The following MILR1 variants were observed in gnomAD, a reference collection of about 807,000 sequenced individuals.
MILR1 encodes allergin-1.
In MILR1, 31 loss-of-function variants were observed where a neutral mutation model predicts 18.5. That is an observed-to-expected ratio of 1.68 (90% CI 1.26 to 2.26). MILR1 has a LOEUF of 2.26. Ranked by LOEUF, MILR1 falls within the 30% of genes most tolerant of loss-of-function variation. MILR1 has a pLI of 0.00. For synonymous variants in MILR1, 85 were observed against 56.2 expected, an observed-to-expected ratio of 1.51 and a Z score of -2.30; for missense variants, 257 against 157.4, an observed-to-expected ratio of 1.63 and a Z score of -3.38.
chr17:64,473,231 G>T (rs905242616), downstream of MILR1, among the ~76,000 whole-genome samples: 1 of 151,800 alleles, frequency 6.6e-6, no homozygotes, highest in African/African-American at 2.4e-5. Flanking sequence ...GGCACCTGTA[G>T]TCCCAGCTAC....
At chr17:64,491,484 C>A in the MILR1 span, 8 of 1,309,306 alleles carry the variant, frequency 6.1e-6, no homozygotes, top group Non-Finnish European at 7.6e-6. Flanking sequence ...CAGTCCAGCC[C>A]GGGCAAAAGA....
chr17:64,462,281 C>T (rs1260407913), intron 5 of MILR1, among the ~76,000 whole-genome samples: 2 of 151,936 alleles, frequency 1.3e-5, no homozygotes, highest in African/African-American at 4.8e-5. Context: ...CCTCCCACCT[C>T]GGCCTCCCAC....
At chr17:64,490,779 C>T in the MILR1 span, 1 of 1,597,274 alleles carries the variant, frequency 6.3e-7, no homozygotes, top group Non-Finnish European at 8.6e-7. Flanking sequence ...TACATAGGAG[C>T]TCCAGGTAAA....
chr17:64,479,601 T>G, the MILR1 span, among the ~76,000 whole-genome samples: 1 of 152,088 alleles, frequency 6.6e-6, no homozygotes, highest in African/African-American at 2.4e-5. Context: ...ATAACAAGAA[T>G]GGATTATTTA....
chr17:64,491,949 A>C, the MILR1 span, among the ~76,000 whole-genome samples: 11 of 151,968 alleles, frequency 7.2e-5, no homozygotes, highest in East Asian at 9.7e-4. Context: ...CAAAAAAAAA[A>C]CCAAAAACAG....
chr17:64,469,318 C>T (rs1282536879), downstream of MILR1, among the ~76,000 whole-genome samples: 2 of 152,132 alleles, frequency 1.3e-5, no homozygotes, highest in Admixed American at 6.5e-5. Context: ...GCTGTAGAGT[C>T]CTGTGGGATC....
At chr17:64,462,594 ATAAG>A (rs2037456072) in intron 5 of MILR1, among the ~76,000 whole-genome samples, 1 of 152,140 alleles carries the variant, frequency 6.6e-6, no homozygotes, top group African/African-American at 2.4e-5. Context: ...AGGTTGGTGC[ATAAG>A]TAATTGCAAT....
the MILR1 span, chr17:64,497,045 C>T: frequency 6.3e-5 from 91 of 1,435,390 alleles, 1 homozygote; most frequent in African/African-American, 1.2e-3. Flanking sequence ...TTAACAGAAT[C>T]CGGAGAGGCC....
intron 5 of MILR1, among the ~76,000 whole-genome samples, chr17:64,465,028 C>T (rs1312217817): frequency 6.6e-6 from 1 of 152,112 alleles, no homozygotes; most frequent in Non-Finnish European, 1.5e-5. Flanking sequence ...GCGGAGGTTG[C>T]GGTGAGCCGA....
At chr17:64,458,864 G>A (rs1206341242) in intron 4 of MILR1, among the ~76,000 whole-genome samples, 2 of 152,142 alleles carry the variant, frequency 1.3e-5, no homozygotes, top group Non-Finnish European at 2.9e-5. Flanking sequence ...GTGGCCCACA[G>A]TAAGGGTATG....
chr17:64,485,738 A>T, the MILR1 span: 1 of 1,612,802 alleles, frequency 6.2e-7, no homozygotes, highest in South Asian at 1.1e-5. Flanking sequence ...CTTTCTATGA[A>T]GATTTTTCTT....
the MILR1 span, chr17:64,480,408 A>G: frequency 8.3e-7 from 1 of 1,201,506 alleles, no homozygotes; most frequent in Non-Finnish European, 1.2e-6. Flanking sequence ...AAATAGAAAA[A>G]CTTCAAATAT....
At chr17:64,491,718 G>A in the MILR1 span, 4 of 900,888 alleles carry the variant, frequency 4.4e-6, no homozygotes, top group Non-Finnish European at 7.2e-6. Context: ...GGTGCTGGCA[G>A]GGTACATGCT....
downstream of MILR1, among the ~76,000 whole-genome samples, chr17:64,472,810 T>C (rs8068311): frequency 0.28 from 42,163 of 152,062 alleles, 11,262 homozygotes; most frequent in African/African-American, 0.7. Flanking sequence ...CACTGTTAGG[T>C]GAAGCATGAC....
downstream of MILR1, among the ~76,000 whole-genome samples, chr17:64,469,881 G>A (rs1484762015): frequency 1.3e-5 from 2 of 152,100 alleles, no homozygotes; most frequent in African/African-American, 2.4e-5. Context: ...ACTGAGACCC[G>A]ACCCTGGTTA....
At chr17:64,490,915 G>T in the MILR1 span, 1 of 1,613,704 alleles carries the variant, frequency 6.2e-7, no homozygotes, top group Non-Finnish European at 8.5e-7. Context: ...TTTCCTTTCC[G>T]GCCTTCTTCA....
chr17:64,482,823 C>A, the MILR1 span: 2 of 752,180 alleles, frequency 2.7e-6, no homozygotes, highest in South Asian at 1.5e-5. Flanking sequence ...GCAAATATAC[C>A]AAAAAAATCC....
At chr17:64,472,546 G>T (rs1489832301), downstream of MILR1, among the ~76,000 whole-genome samples, 1 of 139,472 alleles carries the variant, frequency 7.2e-6, no homozygotes, top group Non-Finnish European at 1.5e-5. Context: ...TAACATTTCA[G>T]TCATTCATGG....
chr17:64,452,595 A>T lies in MILR1; in HGVS notation c.98-2A>T. On this transcript the variant is annotated splice_acceptor_variant, in intron 2 of 9. Transcript: ENST00000619286. LOFTEE classifies it high-confidence loss of function. ...TTTTTCTTGTGTCATTTTGTTTTTC[A>T]GAATTCCCTTCTCCATGTTTGGACT... 2.4e-6 allele frequency: 1 copy of T among 415,186 alleles called. No homozygotes were observed. Among genetic ancestry groups the T allele is most frequent in the Non-Finnish European group, 4.4e-6 (1 of 227,008 alleles). The allele number at this position is 415,186 out of a possible 1,614,324, so 25.7% of individuals were successfully genotyped here.
Sources: gnomAD v4.1 joint callset for allele counts (sites outside exome capture counted in the v4.1 genomes callset) on GRCh38, gnomAD v4.1.1 for gene constraint, MANE v1.5 for transcripts, NCBI Gene and HGNC (gene_info 2026-07-23, HGNC 2026-07-21) for gene names.